The following DIP2C variants were observed in gnomAD, a reference collection of about 807,000 sequenced individuals.
The protein encoded by DIP2C is DIP2 acetate--CoA ligase C (putative).
In DIP2C, 33 loss-of-function variants were observed where a neutral mutation model predicts 192.4. That is an observed-to-expected ratio of 0.17 (90% CI 0.13 to 0.23). DIP2C has a LOEUF of 0.23. DIP2C is among the 10% of genes least tolerant of loss of function. The pLI is 1.00. For missense variants in DIP2C, 1,537 were observed against 2,110.1 expected (o/e 0.73, Z 5.32); for synonymous variants, 979 against 864.1 (o/e 1.13, Z -2.33).
chr10:606,957 C>A (rs1217980334), intron 1 of DIP2C, among the ~76,000 whole-genome samples: 2 of 152,162 alleles, frequency 1.3e-5, no homozygotes, highest in African/African-American at 2.4e-5. Flanking sequence ...GGACGCACAC[C>A]CCAAACCCAA....
intron 3 of DIP2C, among the ~76,000 whole-genome samples, chr10:442,425 A>G (rs1222839480): frequency 2.6e-5 from 4 of 152,194 alleles, no homozygotes; most frequent in South Asian, 4.2e-4. Context: ...TCAAAAATCA[A>G]TATGTGACTG....
intron 1 of DIP2C, among the ~76,000 whole-genome samples, chr10:617,563 A>G (rs1344713380): frequency 6.6e-6 from 1 of 150,652 alleles, no homozygotes; most frequent in South Asian, 2.1e-4. Flanking sequence ...CTCTATTCCC[A>G]CTCCACCCAC....
At chr10:579,546 T>C (rs976309905) in intron 1 of DIP2C, among the ~76,000 whole-genome samples, 1 of 151,922 alleles carries the variant, frequency 6.6e-6, no homozygotes, top group Non-Finnish European at 1.5e-5. Flanking sequence ...ATCCATAAAG[T>C]GTACATACAT....
intron 3 of DIP2C, among the ~76,000 whole-genome samples, chr10:467,565 T>TAAAAAAAAAAAAAAAAAAAAAATGAA (rs71376835): frequency 7.7e-6 from 1 of 130,410 alleles, no homozygotes; most frequent in Non-Finnish European, 1.6e-5. Context: ...TATTTAAGTG[T>TAAAAAAAAAAAAAAAAAAAAAATGAA]AAAAAAAAAA....
intron 4 of DIP2C, among the ~76,000 whole-genome samples, chr10:424,827 C>G (rs536676478): frequency 6.6e-6 from 1 of 152,380 alleles, no homozygotes; most frequent in East Asian, 1.9e-4. Flanking sequence ...CCCACTCCCA[C>G]CTACCTCTTC....
intron 17 of DIP2C, among the ~76,000 whole-genome samples, chr10:371,678 G>A (rs1203827371): frequency 2.0e-5 from 3 of 151,678 alleles, no homozygotes; most frequent in Admixed American, 2.0e-4. Flanking sequence ...GCTGAGCTGA[G>A]CAGCACCCGA....
At chr10:592,656 A>G (rs1001472204) in intron 1 of DIP2C, among the ~76,000 whole-genome samples, 1 of 152,172 alleles carries the variant, frequency 6.6e-6, no homozygotes, top group African/African-American at 2.4e-5. Context: ...GCACATCTAG[A>G]AAAAAGCAAA....
intron 1 of DIP2C, among the ~76,000 whole-genome samples, chr10:661,327 C>T (rs573493692): frequency 4.6e-5 from 7 of 152,322 alleles, no homozygotes; most frequent in African/African-American, 1.4e-4. Flanking sequence ...CTCCCTCCTC[C>T]ACCTGGAGAC....
chr10:434,555 G>A (rs1026763871), intron 4 of DIP2C, among the ~76,000 whole-genome samples: 3 of 152,194 alleles, frequency 2.0e-5, no homozygotes, highest in Non-Finnish European at 2.9e-5. Context: ...TGACAGGTGT[G>A]AGCCCCTGTA....
intron 32 of DIP2C, among the ~76,000 whole-genome samples, chr10:294,750 G>A (rs1589409260): frequency 2.0e-5 from 3 of 151,838 alleles, no homozygotes; most frequent in African/African-American, 4.8e-5. Context: ...GAACTCCTTC[G>A]TTTTTAAAAA....
At chr10:353,004 C>T (rs1234070573) in intron 24 of DIP2C, among the ~76,000 whole-genome samples, 1 of 152,134 alleles carries the variant, frequency 6.6e-6, no homozygotes, top group Non-Finnish European at 1.5e-5. Flanking sequence ...AACCATTCAC[C>T]GCAGGTGACA....
chr10:284,316 A>T (rs1288546215), intron 34 of DIP2C, among the ~76,000 whole-genome samples: 2 of 152,166 alleles, frequency 1.3e-5, no homozygotes, highest in Non-Finnish European at 2.9e-5. Flanking sequence ...AAAAAGTGAA[A>T]CTGAGAGAGA....
chr10:332,046 TCTGGGACTAGAGGCACGTACCACCATGA>T (rs1255427392), intron 29 of DIP2C, among the ~76,000 whole-genome samples: 1 of 152,134 alleles, frequency 6.6e-6, no homozygotes, highest in Non-Finnish European at 1.5e-5. Flanking sequence ...TTCCCAAGTA[TCTGGGACTAGAGGCACGTACCACCATGA>T]CTGGGACTAG....
intron 2 of DIP2C, among the ~76,000 whole-genome samples, chr10:473,349 C>G (rs962377077): frequency 6.6e-6 from 1 of 152,220 alleles, no homozygotes; most frequent in African/African-American, 2.4e-5. Flanking sequence ...CAATATCACC[C>G]CACAGTTCCA....
At chr10:655,772 T>C (rs1209282970) in intron 1 of DIP2C, among the ~76,000 whole-genome samples, 2 of 151,044 alleles carry the variant, frequency 1.3e-5, no homozygotes, top group Admixed American at 1.3e-4. Context: ...CTATACTATA[T>C]AATGTTACAC....
chr10:563,786 A>G (rs1849331202), intron 1 of DIP2C, among the ~76,000 whole-genome samples: 1 of 152,186 alleles, frequency 6.6e-6, no homozygotes, highest in African/African-American at 2.4e-5. Flanking sequence ...TAACAAGTTC[A>G]GACTACTGGG....
intron 1 of DIP2C, among the ~76,000 whole-genome samples, chr10:615,234 T>G (rs1853376591): frequency 6.6e-6 from 1 of 151,976 alleles, no homozygotes; most frequent in Admixed American, 6.5e-5. Context: ...GGGGAAGAAA[T>G]GAGATCTGTT....
At chr10:614,591 G>A (rs763061805) in intron 1 of DIP2C, among the ~76,000 whole-genome samples, 2 of 152,232 alleles carry the variant, frequency 1.3e-5, no homozygotes, top group African/African-American at 2.4e-5. Flanking sequence ...CAATCTGCTC[G>A]GCCGACACAA....
intron 1 of DIP2C, among the ~76,000 whole-genome samples, chr10:509,362 C>CAA (rs34099943): frequency 2.0e-5 from 3 of 152,186 alleles, no homozygotes; most frequent in African/African-American, 7.2e-5. Flanking sequence ...CCAAGACCAG[C>CAA]AACAAGTATG....
Sources: gnomAD v4.1 joint callset for allele counts (sites outside exome capture counted in the v4.1 genomes callset) on GRCh38, gnomAD v4.1.1 for gene constraint, MANE v1.5 for transcripts, NCBI Gene and HGNC (gene_info 2026-07-23, HGNC 2026-07-21) for gene names.